The following GRIN2B variants were observed in gnomAD, a reference collection of about 807,000 sequenced individuals.
GRIN2B encodes the protein glutamate ionotropic receptor NMDA type subunit 2B.
GRIN2B carries 5 observed loss-of-function variants against 114.5 expected under a neutral mutation model. The ratio of observed to expected loss-of-function variants is 0.04; its 90% CI spans 0.02 to 0.09. The LOEUF is 0.09. GRIN2B is among the 10% of genes least tolerant of loss of function. GRIN2B has a pLI of 1.00. For synonymous variants in GRIN2B, 787 were observed against 745.1 expected (o/e 1.06, Z -0.92); for missense variants, 1,108 against 1,943.5 (o/e 0.57, Z 8.08).
chr12:13,774,308 T>C (rs1056707407), intron 3 of GRIN2B, among the ~76,000 whole-genome samples: 30 of 152,296 alleles, frequency 2.0e-4, no homozygotes, highest in African/African-American at 7.0e-4. Context: ...TGGGTTTTTA[T>C]CAAAAAGTGA....
chr12:13,917,457 C>T (rs1297761779), intron 2 of GRIN2B, among the ~76,000 whole-genome samples: 1 of 152,050 alleles, frequency 6.6e-6, no homozygotes, highest in Admixed American at 6.6e-5. Context: ...ATAAGAGGCA[C>T]TAAATGACAG....
chr12:13,809,982 C>T (rs981214407), intron 3 of GRIN2B, among the ~76,000 whole-genome samples: 1 of 152,138 alleles, frequency 6.6e-6, no homozygotes, highest in Non-Finnish European at 1.5e-5. Flanking sequence ...CTTGCTCTGC[C>T]TTGAACTTCC....
At chr12:13,680,720 T>C (rs1053025705) in intron 4 of GRIN2B, among the ~76,000 whole-genome samples, 4 of 152,102 alleles carry the variant, frequency 2.6e-5, no homozygotes, top group African/African-American at 9.7e-5. Flanking sequence ...GTCTTCTGAC[T>C]CTCAGCTCAG....
chr12:13,828,006 C>T (rs1199422473), intron 3 of GRIN2B, among the ~76,000 whole-genome samples: 1 of 152,186 alleles, frequency 6.6e-6, no homozygotes, highest in Non-Finnish European at 1.5e-5. Flanking sequence ...ATATTCTTTA[C>T]TAATATTGTG....
intron 5 of GRIN2B, among the ~76,000 whole-genome samples, chr12:13,630,486 G>T (rs1193742463): frequency 6.6e-6 from 1 of 152,150 alleles, no homozygotes; most frequent in Non-Finnish European, 1.5e-5. Context: ...TGTGACACAT[G>T]TAGAGACTTG....
chr12:13,826,845 A>G (rs889878716), intron 3 of GRIN2B, among the ~76,000 whole-genome samples: 4 of 151,808 alleles, frequency 2.6e-5, no homozygotes, highest in African/African-American at 9.7e-5. Context: ...ATCTGATACC[A>G]TTTTTCTTTT....
At chr12:13,911,422 C>A (rs896189473) in intron 2 of GRIN2B, among the ~76,000 whole-genome samples, 1 of 152,098 alleles carries the variant, frequency 6.6e-6, no homozygotes, top group African/African-American at 2.4e-5. Context: ...AGCAAGTGAG[C>A]CTCAGAAGTC....
Position 13,589,987 on chromosome 12 carries a change from T to C in GRIN2B, c.2011-18023A>G, listed in dbSNP as rs189280407. On this transcript the variant is annotated intron_variant, in intron 10 of 13. Transcript: ENST00000609686. ...TCAACTATGGCAATAAAAACAACTT[T>C]ATTGCTAAACACAGTAGTCAAAATG... Among the ~76,000 whole-genome samples, 250 of 152,264 alleles carry C rather than the reference T, an allele frequency of 1.6e-3. 2 individuals carry two copies. Among genetic ancestry groups the C allele is most frequent in the Middle Eastern group, 3.4e-3 (1 of 294 alleles).
At chr12:13,579,105 A>G (rs577189638) in intron 10 of GRIN2B, among the ~76,000 whole-genome samples, 1 of 152,158 alleles carries the variant, frequency 6.6e-6, no homozygotes, top group African/African-American at 2.4e-5. Context: ...AGAGGAGCAA[A>G]ATGGTTTCTA....
intron 5 of GRIN2B, among the ~76,000 whole-genome samples, chr12:13,634,760 G>C (rs894461224): frequency 6.6e-6 from 1 of 152,164 alleles, no homozygotes; most frequent in African/African-American, 2.4e-5. Context: ...GTGAGGCTGG[G>C]GGACAGTTTT....
At chr12:13,625,096 T>C (rs1949553592) in intron 5 of GRIN2B, among the ~76,000 whole-genome samples, 1 of 152,206 alleles carries the variant, frequency 6.6e-6, no homozygotes, top group South Asian at 2.1e-4. Flanking sequence ...GCACTTCTTG[T>C]GGAGGTCTAT....
chr12:13,954,585 G>A (rs1382325341), intron 2 of GRIN2B, among the ~76,000 whole-genome samples: 2 of 151,766 alleles, frequency 1.3e-5, no homozygotes, highest in Non-Finnish European at 2.9e-5. Context: ...CGAGGCGGGT[G>A]GATCACTTGA....
rs117046552 is a variant in GRIN2B, at chr12:13,618,069, C to T, written c.1126-1412G>A. ...GTTCAGAATCATGCACTGAACCAAA[C>T]GTTTGCTTTCCTTCATGTGTATAGG... On this transcript the variant is annotated intron_variant, in intron 5 of 13. Coordinates refer to ENST00000609686, the MANE Select transcript of GRIN2B (RefSeq NM_000834.5). 1.7e-4 allele frequency among the ~76,000 whole-genome samples: 26 copies of T among 152,278 alleles called. No homozygotes were observed. In the East Asian group the frequency reaches 4.2e-3, roughly 25 times the overall value.
intron 2 of GRIN2B, among the ~76,000 whole-genome samples, chr12:13,921,843 T>C (rs1212677128): frequency 2.0e-5 from 3 of 152,158 alleles, no homozygotes; most frequent in Admixed American, 6.5e-5. Context: ...GCGATAGATA[T>C]ATTATTCCCT....
chr12:13,908,929 C>T (rs1242728430), intron 2 of GRIN2B, among the ~76,000 whole-genome samples: 1 of 152,164 alleles, frequency 6.6e-6, no homozygotes, highest in Non-Finnish European at 1.5e-5. Context: ...AGGGAAGAGC[C>T]ACTATCATGG....
chr12:13,863,733 G>A (rs1199166900), intron 3 of GRIN2B, among the ~76,000 whole-genome samples: 1 of 152,196 alleles, frequency 6.6e-6, no homozygotes, highest in Non-Finnish European at 1.5e-5. Context: ...GTATAATGAT[G>A]TTGTGGATTT....
chr12:13,856,760 T>C (rs59457485), intron 3 of GRIN2B, among the ~76,000 whole-genome samples: 9,340 of 152,076 alleles, frequency 0.061, 423 homozygotes, highest in African/African-American at 0.13. Flanking sequence ...GACCCACTTC[T>C]CTCCCCTTTC....
rs555624320 is a variant in GRIN2B at position 13,762,962 on chromosome 12, G to T, written c.412-9047C>A. ...TTCTAGGTCTCTAGATTGGAAAACT[G>T]ATCACTACTTCCTCACATATAGCAA... On this transcript the variant is annotated intron_variant, in intron 3 of 13. Coordinates refer to ENST00000609686, the MANE Select transcript of GRIN2B (RefSeq NM_000834.5). Among the ~76,000 whole-genome samples the T allele has an allele frequency of 5.9e-5, 9 of 151,902 alleles. No individual in the cohort carries two copies. The East Asian group carries it at 1.6e-3, about 26-fold the overall frequency.
chr12:13,587,886 T>G (rs572480085), intron 10 of GRIN2B, among the ~76,000 whole-genome samples: 1 of 152,318 alleles, frequency 6.6e-6, no homozygotes, highest in Non-Finnish European at 1.5e-5. Flanking sequence ...GTTTGGTTGG[T>G]GCAAAAGTAA....
Sources: allele counts gnomAD v4.1 joint callset (sites outside exome capture counted in the v4.1 genomes callset), GRCh38; gene constraint gnomAD v4.1.1; transcripts MANE v1.5; gene names NCBI Gene and HGNC (gene_info 2026-07-23, HGNC 2026-07-21).